Variants in TBC1D32 observed in about 807,000 individuals in gnomAD.
TBC1D32 encodes TBC1 domain family member 32, also known as protein broad-minded.
In TBC1D32, 151 loss-of-function variants were observed where a neutral mutation model predicts 170.3. The ratio of observed to expected loss-of-function variants is 0.89; its 90% CI spans 0.78 to 1.01. The LOEUF (loss-of-function observed/expected upper bound fraction) is 1.01, where lower values mean the gene tolerates loss of function less well. Ranked by LOEUF, TBC1D32 falls within the 50% of genes least tolerant of loss-of-function variation. The probability of loss-of-function intolerance (pLI) is 0.00; values close to 1 mark genes in which losing one functional copy is unlikely to be tolerated. For synonymous variants in TBC1D32, 498 were observed against 488.0 expected, an observed-to-expected ratio of 1.02 and a Z score of -0.27; for missense variants, 1,464 against 1,457.1, an observed-to-expected ratio of 1.00 and a Z score of -0.08.
intron 20 of TBC1D32, among the ~76,000 whole-genome samples, chr6:121,230,771 T>C (rs1390553232): frequency 6.6e-6 from 1 of 151,820 alleles, no homozygotes; most frequent in Non-Finnish European, 1.5e-5. Context: ...GGGAACAGAT[T>C]GTATGGTGTT....
At chr6:121,191,947 CA>C (rs1409144614) in intron 22 of TBC1D32, among the ~76,000 whole-genome samples, 1 of 151,872 alleles carries the variant, frequency 6.6e-6, no homozygotes, top group African/African-American at 2.4e-5. Context: ...TGCCCTCAAA[CA>C]TTGGACTCCA....
intron 12 of TBC1D32, 86 bp from the exon 13 acceptor site, chr6:121,283,996 A>T (rs1208563486): frequency 1.0e-6 from 1 of 991,346 alleles, no homozygotes; most frequent in Non-Finnish European, 1.5e-6. Flanking sequence ...ATCCATCTAT[A>T]TAGTTGAGGT....
At position 121,308,046 on chromosome 6, in the gene TBC1D32, T is replaced by C. The variant is rs184732605; in HGVS notation, c.620A>G (p.Asn207Ser). 1.9e-6 allele frequency: 3 copies of C among 1,613,904 alleles called. No homozygotes were observed. The highest frequency in any genetic ancestry group is 2.2e-5 in the East Asian group (1 of 44,822). ...GCAGAGAGTAGTCCAATTTTCACAG[T>C]TGAGGACATCAGATGGAGGAGCTGA... ...LCSAPPSDVL[N>S]CENWTTLCEK... Residue 207 changes from asparagine (N) to serine (S), a missense_variant, in exon 5 of 32, where the codon AAC becomes AGC. This residue lies in a region of TBC1D32 where 1,363 missense variants were observed against 1,338.1 expected (regional missense o/e 1.02). Coordinates refer to ENST00000398212, the MANE Select transcript of TBC1D32 (RefSeq NM_152730.6).
At chr6:121,315,954 T>A (rs1808881138) in intron 3 of TBC1D32, among the ~76,000 whole-genome samples, 1 of 152,118 alleles carries the variant, frequency 6.6e-6, no homozygotes, top group South Asian at 2.1e-4. Flanking sequence ...ACCCAATTAG[T>A]GCCTTCTAAA....
intron 11 of TBC1D32, 80 bp from the exon 12 acceptor site, chr6:121,292,273 T>G: frequency 7.2e-7 from 1 of 1,387,878 alleles, no homozygotes; most frequent in South Asian, 1.4e-5. Flanking sequence ...TTCTAGACAT[T>G]AAACAAGGCT....
At position 121,245,843 on chromosome 6, in the gene TBC1D32, T is replaced by C. The variant is rs899155893; in HGVS notation, c.2019-3504A>G. Among the ~76,000 whole-genome samples, 4 of 152,050 alleles carry C rather than the reference T, an allele frequency of 2.6e-5. No individual in the cohort carries two copies. In the East Asian group the frequency reaches 7.7e-4, roughly 29 times the overall value. On this transcript the variant is annotated intron_variant, in intron 17 of 31. Coordinates refer to ENST00000398212, the MANE Select transcript of TBC1D32 (RefSeq NM_152730.6). ...AAAAGAGGTGTGTGTCTGGTCTGAA[T>C]AGCTGAACACTGGAACAGTTGTGAG...
At chr6:121,306,172 C>T (rs999131280) in intron 5 of TBC1D32, among the ~76,000 whole-genome samples, 2 of 152,084 alleles carry the variant, frequency 1.3e-5, no homozygotes, top group Non-Finnish European at 2.9e-5. Flanking sequence ...CAGAAGTCTA[C>T]AATACCCTCT....
At chr6:121,091,832 G>A (rs887075560) in intron 30 of TBC1D32, among the ~76,000 whole-genome samples, 4 of 152,204 alleles carry the variant, frequency 2.6e-5, no homozygotes, top group South Asian at 2.1e-4. Context: ...CTTTACAGAC[G>A]TAATCAGGTT....
chr6:121,175,106 T>C (rs1787590215), intron 22 of TBC1D32, among the ~76,000 whole-genome samples: 1 of 152,070 alleles, frequency 6.6e-6, no homozygotes, highest in South Asian at 2.1e-4. Context: ...AGAATGACTC[T>C]TGGGTGTTTA....
Position 121,198,257 on chromosome 6 carries a change from T to TA in TBC1D32, c.2570+6817dup. ...TATAAATATATATATTATATATATATATAATATATATATATAATATACACA... is the reference window on the plus strand; with the variant it reads ...TATAAATATATATATTATATATATATAATAATATATATATATAATATACACA... On this transcript the variant is annotated intron_variant, in intron 22 of 31. Coordinates refer to ENST00000398212, the MANE Select transcript of TBC1D32 (RefSeq NM_152730.6). Among the ~76,000 whole-genome samples, 3 of 142,368 alleles carry TA rather than the reference T, an allele frequency of 2.1e-5. No individual in the cohort carries two copies. The Admixed American group carries it at 2.2e-4, about 10-fold the overall frequency. 93.4% of individuals were successfully genotyped at this position (142,368 alleles called of 152,430 possible). A position where few individuals can be genotyped will look rare whatever the true frequency, so the allele number is the denominator to read the frequency against.
chr6:121,321,931 AAGC>A, intron 1 of TBC1D32, 137 bp from the exon 2 acceptor site: 1 of 850,926 alleles, frequency 1.2e-6, no homozygotes, highest in East Asian at 3.0e-5. Context: ...ACAAATCATC[AAGC>A]TAATCTACTA....
At chr6:121,289,182 G>A (rs1804395730) in intron 12 of TBC1D32, among the ~76,000 whole-genome samples, 1 of 152,134 alleles carries the variant, frequency 6.6e-6, no homozygotes, top group African/African-American at 2.4e-5. Flanking sequence ...AAGAAATAAA[G>A]GGTATTCAAT....
intron 24 of TBC1D32, among the ~76,000 whole-genome samples, chr6:121,148,632 TA>T (rs1452485815): frequency 7.9e-5 from 12 of 152,154 alleles, no homozygotes; most frequent in African/African-American, 2.9e-4. Flanking sequence ...CTTTTTTTTT[TA>T]GATGGAGTCT....
chr6:121,328,564 G>A (rs138410800), intron 1 of TBC1D32, among the ~76,000 whole-genome samples: 108 of 152,154 alleles, frequency 7.1e-4, no homozygotes, highest in Middle Eastern at 3.4e-3. Flanking sequence ...GATTACAGGC[G>A]TGAGCCACCA....
At chr6:121,106,318 T>C (rs1465834948) in intron 29 of TBC1D32, 155 bp from the exon 30 acceptor site, 1 of 378,350 alleles carries the variant, frequency 2.6e-6, no homozygotes, top group Non-Finnish European at 4.1e-6. Flanking sequence ...AATAAAATTA[T>C]GTAAAGTAAA....
chr6:121,249,255 A>G (rs1189253393), intron 17 of TBC1D32, among the ~76,000 whole-genome samples: 2 of 151,852 alleles, frequency 1.3e-5, no homozygotes, highest in African/African-American at 4.8e-5. Flanking sequence ...AGCATGTGAT[A>G]AAATCTAGCA....
intron 8 of TBC1D32, 47 bp downstream of exon 8, chr6:121,304,318 G>GT (rs1563322258): frequency 6.4e-7 from 1 of 1,572,584 alleles, no homozygotes; most frequent in East Asian, 2.2e-5. Flanking sequence ...ATATGGGGCA[G>GT]TAACACCGCT....
chr6:121,116,021 C>T (rs1779643339), intron 26 of TBC1D32, among the ~76,000 whole-genome samples: 1 of 152,122 alleles, frequency 6.6e-6, no homozygotes, highest in South Asian at 2.1e-4. Flanking sequence ...CTAGCTGAAA[C>T]TTTCAATTTC....
Position 121,333,372 on chromosome 6 carries a change from C to G in TBC1D32, c.155+904G>C, listed in dbSNP as rs1306484921. Among the ~76,000 whole-genome samples, 54 of 152,140 alleles carry G rather than the reference C, an allele frequency of 3.5e-4. 1 individual carries two copies. The highest frequency in any genetic ancestry group is 3.5e-3 in the Admixed American group (54 of 15,260). On this transcript the variant is annotated intron_variant, in intron 1 of 31. Transcript: ENST00000398212. ...CTCAAATGGCACTTCTATCATTAAACCTCTTTTTCCTACTGCTCCCACACG... is the reference window on the plus strand; with the variant it reads ...CTCAAATGGCACTTCTATCATTAAAGCTCTTTTTCCTACTGCTCCCACACG...
Sources: allele counts gnomAD v4.1 joint callset (sites outside exome capture counted in the v4.1 genomes callset), GRCh38; gene constraint gnomAD v4.1.1; regional missense constraint gnomAD v4.1.1; transcripts MANE v1.5; gene names NCBI Gene and HGNC (gene_info 2026-07-23, HGNC 2026-07-21).